Variants in SGCZ observed in about 807,000 individuals in gnomAD.
SGCZ encodes the protein zeta-sarcoglycan.
In SGCZ, 40 loss-of-function variants were observed where a neutral mutation model predicts 41.3. The observed-to-expected ratio is 0.97, with a 90% CI of 0.75 to 1.26. The LOEUF is 1.26. Among genes scored for constraint, SGCZ ranks in the 50% most tolerant of loss-of-function variants. The pLI is 0.00. For missense variants in SGCZ, 552 were observed against 369.8 expected (o/e 1.49, Z -4.04); for synonymous variants, 206 against 137.5 (o/e 1.50, Z -3.49).
intron 4 of SGCZ, among the ~76,000 whole-genome samples, chr8:14,224,551 T>A (rs1039067993): frequency 6.6e-6 from 1 of 152,206 alleles, no homozygotes; most frequent in South Asian, 2.1e-4. Flanking sequence ...TGGAAATATT[T>A]CCCTATGTGA....
intron 2 of SGCZ, among the ~76,000 whole-genome samples, chr8:14,491,796 C>T (rs1323161372): frequency 6.6e-6 from 1 of 152,096 alleles, no homozygotes; most frequent in Non-Finnish European, 1.5e-5. Context: ...TTTAATAGCT[C>T]ATTCTGGAGA....
chr8:14,241,875 T>C (rs1334625549), intron 3 of SGCZ, among the ~76,000 whole-genome samples: 1 of 152,180 alleles, frequency 6.6e-6, no homozygotes, highest in Non-Finnish European at 1.5e-5. Context: ...CATTTTAATA[T>C]TTTTTTCTGA....
At chr8:14,924,726 T>C (rs893086600) in intron 1 of SGCZ, among the ~76,000 whole-genome samples, 2 of 152,152 alleles carry the variant, frequency 1.3e-5, no homozygotes, top group African/African-American at 4.8e-5. Flanking sequence ...TTTTTCAACA[T>C]AGTAAACTGA....
At chr8:15,230,014 T>C (rs554435794) in intron 1 of SGCZ, among the ~76,000 whole-genome samples, 5 of 152,308 alleles carry the variant, frequency 3.3e-5, no homozygotes, top group Admixed American at 2.0e-4. Flanking sequence ...TTAGCTCTTA[T>C]AGATTTAAAG....
At chr8:15,133,149 T>TAAATAAATAA (rs1807975210) in intron 1 of SGCZ, among the ~76,000 whole-genome samples, 1 of 151,200 alleles carries the variant, frequency 6.6e-6, no homozygotes, top group African/African-American at 2.4e-5. Flanking sequence ...TCTCAAAATA[T>TAAATAAATAA]ATAAATAAAT....
chr8:15,050,998 A>G (rs1018883058), intron 1 of SGCZ, among the ~76,000 whole-genome samples: 6 of 152,202 alleles, frequency 3.9e-5, no homozygotes, highest in Non-Finnish European at 8.8e-5. Flanking sequence ...GAAACATCAC[A>G]TATTTGTAGA....
intron 1 of SGCZ, among the ~76,000 whole-genome samples, chr8:14,694,802 A>G (rs376647314): frequency 6.6e-6 from 1 of 152,344 alleles, no homozygotes; most frequent in African/African-American, 2.4e-5. Context: ...TCTCACTTAA[A>G]AAGTTTGCTG....
intron 1 of SGCZ, among the ~76,000 whole-genome samples, chr8:14,849,924 T>C (rs982102168): frequency 8.5e-5 from 13 of 152,206 alleles, no homozygotes; most frequent in African/African-American, 3.1e-4. Context: ...TATTTCTTTA[T>C]CTTCAAATCA....
At chr8:14,314,016 T>C (rs917078216) in intron 3 of SGCZ, among the ~76,000 whole-genome samples, 14 of 151,068 alleles carry the variant, frequency 9.3e-5, no homozygotes, top group Non-Finnish European at 1.9e-4. Flanking sequence ...ATAAAGGCAA[T>C]TAAATTTGAG....
chr8:14,685,200 G>T lies in SGCZ; in HGVS notation c.40-130274C>A, dbSNP rs142372217. Among the ~76,000 whole-genome samples, 9 of 152,108 alleles carry T rather than the reference G, an allele frequency of 5.9e-5. No individual in the cohort carries two copies. In the South Asian group the frequency reaches 1.5e-3, roughly 25 times the overall value. Reference sequence around the variant, plus strand: ...TATGTTCTGCTTGTATTTCATGATGGAGCAGTTATTTGCACCTGGAATAAT... The same window carrying T: ...TATGTTCTGCTTGTATTTCATGATGTAGCAGTTATTTGCACCTGGAATAAT... On this transcript the variant is annotated intron_variant, in intron 1 of 7. Coordinates refer to ENST00000382080, the MANE Select transcript of SGCZ (RefSeq NM_139167.4).
chr8:15,110,197 C>G (rs972066023), intron 1 of SGCZ, among the ~76,000 whole-genome samples: 3 of 152,036 alleles, frequency 2.0e-5, no homozygotes, highest in African/African-American at 4.8e-5. Context: ...TTATTTCTGT[C>G]TTTAGGGAGG....
intron 1 of SGCZ, among the ~76,000 whole-genome samples, chr8:14,695,238 T>C (rs1050282506): frequency 2.6e-5 from 4 of 152,182 alleles, no homozygotes; most frequent in Admixed American, 2.6e-4. Context: ...TCACAACTTA[T>C]GTATAATTCT....
chr8:14,150,581 A>G (rs1198745293), intron 5 of SGCZ, among the ~76,000 whole-genome samples: 1 of 152,170 alleles, frequency 6.6e-6, no homozygotes, highest in Non-Finnish European at 1.5e-5. Context: ...GGGAATGTAA[A>G]TTAGTAAAAC....
At chr8:15,003,950 C>A (rs1302928008) in intron 1 of SGCZ, among the ~76,000 whole-genome samples, 2 of 152,140 alleles carry the variant, frequency 1.3e-5, no homozygotes, top group African/African-American at 2.4e-5. Flanking sequence ...CACAACTACC[C>A]TTCAATGTGT....
chr8:15,031,708 T>C (rs1343164467), intron 1 of SGCZ, among the ~76,000 whole-genome samples: 1 of 152,304 alleles, frequency 6.6e-6, no homozygotes, highest in African/African-American at 2.4e-5. Context: ...AAATTATTCA[T>C]AGGACAATGT....
chr8:14,827,804 A>G (rs889550813), intron 1 of SGCZ, among the ~76,000 whole-genome samples: 2 of 152,192 alleles, frequency 1.3e-5, no homozygotes, highest in Non-Finnish European at 2.9e-5. Flanking sequence ...TTGTTAATAT[A>G]TGCACACACG....
At chr8:15,061,498 T>A (rs1804928224) in intron 1 of SGCZ, among the ~76,000 whole-genome samples, 1 of 151,130 alleles carries the variant, frequency 6.6e-6, no homozygotes, top group Admixed American at 6.6e-5. Flanking sequence ...AACCTGCACG[T>A]TCTGCACATG....
intron 1 of SGCZ, among the ~76,000 whole-genome samples, chr8:14,664,370 G>A (rs1178104633): frequency 2.0e-5 from 3 of 152,100 alleles, no homozygotes; most frequent in Non-Finnish European, 2.9e-5. Flanking sequence ...CTTGAAACGA[G>A]GGACCATATT....
chr8:15,198,834 T>C (rs1800812467), intron 1 of SGCZ, among the ~76,000 whole-genome samples: 1 of 152,174 alleles, frequency 6.6e-6, no homozygotes, highest in African/African-American at 2.4e-5. Flanking sequence ...ACTCTATGAC[T>C]TATTTTTTAC....
Sources: gnomAD v4.1 joint callset for allele counts (sites outside exome capture counted in the v4.1 genomes callset) on GRCh38, gnomAD v4.1.1 for gene constraint, MANE v1.5 for transcripts, NCBI Gene and HGNC (gene_info 2026-07-23, HGNC 2026-07-21) for gene names.